Variants in AUTS2 observed in about 807,000 individuals in gnomAD.
The protein encoded by AUTS2 is autism susceptibility gene 2 protein.
AUTS2 carries 17 observed loss-of-function variants against 112.4 expected under a neutral mutation model. The observed-to-expected ratio is 0.15, with a 90% CI of 0.10 to 0.23. The LOEUF (loss-of-function observed/expected upper bound fraction) is 0.23. Ranked by LOEUF, AUTS2 falls within the 10% of genes least tolerant of loss-of-function variation. The pLI, the probability that AUTS2 is intolerant of heterozygous loss-of-function variation, is 1.00. For synonymous variants in AUTS2, 751 were observed against 702.7 expected, an observed-to-expected ratio of 1.07 and a Z score of -1.09; for missense variants, 1,510 against 1,701.6, an observed-to-expected ratio of 0.89 and a Z score of 1.98.
chr7:70,240,144 G>T (rs193076032), intron 4 of AUTS2, among the ~76,000 whole-genome samples: 19 of 152,308 alleles, frequency 1.2e-4, no homozygotes, highest in Admixed American at 2.6e-4. Flanking sequence ...CCCAGCCCCG[G>T]TAGCCAAGGA....
At chr7:70,370,254 A>G (rs1441634146) in intron 4 of AUTS2, among the ~76,000 whole-genome samples, 1 of 152,192 alleles carries the variant, frequency 6.6e-6, no homozygotes. Context: ...ATTCATCACC[A>G]TAATCAATTT....
At chr7:70,344,699 A>G (rs920017361) in intron 4 of AUTS2, among the ~76,000 whole-genome samples, 10 of 152,178 alleles carry the variant, frequency 6.6e-5, no homozygotes, top group African/African-American at 2.4e-4. Flanking sequence ...CAAAGATGAC[A>G]TTTGGCTAGC....
Position 69,983,996 on chromosome 7 carries a change from A to T in AUTS2, c.522+84498A>T, listed in dbSNP as rs1192704640. On this transcript the variant is annotated intron_variant, in intron 2 of 18. Coordinates refer to ENST00000342771, the MANE Select transcript of AUTS2 (RefSeq NM_015570.4). ...TTATCTATTGACTCTGATTTAAATTATCACTCTTTTTTATGCAGGAATATG... is the reference window on the plus strand; with the variant it reads ...TTATCTATTGACTCTGATTTAAATTTTCACTCTTTTTTATGCAGGAATATG... Among the ~76,000 whole-genome samples the T allele has an allele frequency of 5.9e-5, 9 of 152,318 alleles. No homozygotes were observed. The East Asian group carries it at 1.7e-3, about 29-fold the overall frequency.
chr7:69,927,469 T>G (rs1796066228), intron 2 of AUTS2, among the ~76,000 whole-genome samples: 1 of 152,152 alleles, frequency 6.6e-6, no homozygotes, highest in Non-Finnish European at 1.5e-5. Flanking sequence ...TATATCCCCA[T>G]GTTTTCACAG....
At chr7:70,254,807 A>G (rs1368696841) in intron 4 of AUTS2, among the ~76,000 whole-genome samples, 1 of 152,214 alleles carries the variant, frequency 6.6e-6, no homozygotes, top group Non-Finnish European at 1.5e-5. Context: ...GTTGAAAGAA[A>G]TGGGAAGATA....
At chr7:70,615,660 A>C (rs1457194191) in intron 5 of AUTS2, among the ~76,000 whole-genome samples, 1 of 152,044 alleles carries the variant, frequency 6.6e-6, no homozygotes, top group Non-Finnish European at 1.5e-5. Flanking sequence ...TGTGGCCCTT[A>C]GTTGGCGTAG....
intron 2 of AUTS2, among the ~76,000 whole-genome samples, chr7:70,013,015 T>A (rs1188231983): frequency 6.6e-6 from 1 of 152,152 alleles, no homozygotes; most frequent in Non-Finnish European, 1.5e-5. Context: ...TTCCATATGG[T>A]TACCTTTTAT....
At position 69,891,774 on chromosome 7, in the gene AUTS2, C is replaced by CTTTTTTTTTTTTTTTTTT. The variant is rs763424098; in HGVS notation, c.310-7492_310-7475dup. Among the ~76,000 whole-genome samples, 10 of 26,736 alleles carry CTTTTTTTTTTTTTTTTTT rather than the reference C, an allele frequency of 3.7e-4. 3 individuals carry two copies. Among genetic ancestry groups the CTTTTTTTTTTTTTTTTTT allele is most frequent in the Non-Finnish European group, 5.5e-4 (7 of 12,792 alleles). 17.5% of individuals were successfully genotyped at this position (26,736 alleles called of 152,430 possible). A position where few individuals can be genotyped will look rare whatever the true frequency, so the allele number is the denominator to read the frequency against. Reference sequence around the variant, plus strand: ...ATTCATTCACTTTCCAGACAGATATCTTTTTTTTTTTTTTTTTTTTTTTTT... The same window carrying CTTTTTTTTTTTTTTTTTT: ...ATTCATTCACTTTCCAGACAGATATCTTTTTTTTTTTTTTTTTTTTTTTTTTTTTTTTTTTTTTTTTTT... On this transcript the variant is annotated intron_variant, in intron 1 of 18. Coordinates refer to ENST00000342771, the MANE Select transcript of AUTS2 (RefSeq NM_015570.4).
intron 6 of AUTS2, among the ~76,000 whole-genome samples, chr7:70,753,846 C>T (rs1789014718): frequency 6.6e-6 from 1 of 152,162 alleles, no homozygotes; most frequent in South Asian, 2.1e-4. Context: ...ACAGAATAGA[C>T]AGGTGAAGGT....
intron 1 of AUTS2, among the ~76,000 whole-genome samples, chr7:69,776,937 G>C (rs1468764868): frequency 6.6e-6 from 1 of 152,216 alleles, no homozygotes; most frequent in Non-Finnish European, 1.5e-5. Context: ...TAAAGATCCA[G>C]TCTGGTTGCT....
chr7:69,601,556 TTGGTGG>T (rs753483852), intron 1 of AUTS2, among the ~76,000 whole-genome samples: 2 of 151,290 alleles, frequency 1.3e-5, no homozygotes, highest in Non-Finnish European at 3.0e-5. Flanking sequence ...AAGGGAGGTA[TTGGTGG>T]TGGTGGTGGT....
chr7:70,572,388 A>G (rs1243548376), intron 5 of AUTS2, among the ~76,000 whole-genome samples: 4 of 146,594 alleles, frequency 2.7e-5, no homozygotes, highest in African/African-American at 5.0e-5. Context: ...AAATGGCAGG[A>G]ATCATAATAG....
chr7:70,639,762 C>T (rs1563093960), intron 5 of AUTS2, among the ~76,000 whole-genome samples: 1 of 151,420 alleles, frequency 6.6e-6, no homozygotes, highest in Non-Finnish European at 1.5e-5. Context: ...GGAGTAAACC[C>T]CTCCATTTTC....
rs536503858 is a variant in AUTS2 at position 69,696,533 on chromosome 7, T to C, written c.309+96571T>C. Reference sequence around the variant, plus strand: ...CCTCTTTGAGCACTCTGAATACTCTTACCCTCTTATCTCGATCTGCTCTTT... The same window carrying C: ...CCTCTTTGAGCACTCTGAATACTCTCACCCTCTTATCTCGATCTGCTCTTT... On this transcript the variant is annotated intron_variant, in intron 1 of 18. Coordinates refer to ENST00000342771, the MANE Select transcript of AUTS2 (RefSeq NM_015570.4). 3.3e-5 allele frequency among the ~76,000 whole-genome samples: 5 copies of C among 152,346 alleles called. No homozygotes were observed. In the South Asian group the frequency reaches 1.0e-3, roughly 32 times the overall value.
chr7:69,623,249 G>T (rs984070748), intron 1 of AUTS2, among the ~76,000 whole-genome samples: 1 of 152,030 alleles, frequency 6.6e-6, no homozygotes. Flanking sequence ...GGGGGACAAG[G>T]TCTCGTTCTG....
intron 2 of AUTS2, among the ~76,000 whole-genome samples, chr7:69,980,897 G>T (rs1798269971): frequency 6.6e-6 from 1 of 152,082 alleles, no homozygotes. Flanking sequence ...GTTCTTTCTT[G>T]CATAAATCAC....
intron 2 of AUTS2, among the ~76,000 whole-genome samples, chr7:69,931,112 TACACACACAC>T (rs58190258): frequency 8.1e-4 from 120 of 148,986 alleles, no homozygotes; most frequent in South Asian, 1.9e-3. Context: ...ATTTTGGATT[TACACACACAC>T]ACACACACAC....
intron 2 of AUTS2, among the ~76,000 whole-genome samples, chr7:70,030,456 G>A (rs1420872254): frequency 6.6e-6 from 1 of 152,070 alleles, no homozygotes; most frequent in South Asian, 2.1e-4. Context: ...CCAGTTTTCC[G>A]CTGTGAAGCA....
At chr7:70,308,637 A>G (rs1789593630) in intron 4 of AUTS2, among the ~76,000 whole-genome samples, 1 of 152,226 alleles carries the variant, frequency 6.6e-6, no homozygotes, top group African/African-American at 2.4e-5. Flanking sequence ...TAAAATGTGC[A>G]AACCGTTTAG....
Sources: gnomAD v4.1 joint callset for allele counts (sites outside exome capture counted in the v4.1 genomes callset) on GRCh38, gnomAD v4.1.1 for gene constraint, MANE v1.5 for transcripts, NCBI Gene and HGNC (gene_info 2026-07-23, HGNC 2026-07-21) for gene names.